Variants in CNTN5 observed in about 807,000 individuals in gnomAD.
CNTN5 encodes the protein contactin 5.
Under a neutral mutation model 129.1 loss-of-function variants are expected in CNTN5, and 77 were observed. The ratio of observed to expected loss-of-function variants is 0.60; its 90% CI spans 0.50 to 0.72. The LOEUF (loss-of-function observed/expected upper bound fraction) is 0.72. CNTN5 is among the 30% of genes least tolerant of loss of function. The pLI is 0.00. For missense variants in CNTN5, 1,478 were observed against 1,328.8 expected (o/e 1.11, Z -1.75); for synonymous variants, 509 against 465.6 (o/e 1.09, Z -1.20).
At chr11:99,075,441 A>G (rs1012582543) in intron 1 of CNTN5, among the ~76,000 whole-genome samples, 2 of 152,174 alleles carry the variant, frequency 1.3e-5, no homozygotes, top group Non-Finnish European at 2.9e-5. Flanking sequence ...GTAAAAGTAG[A>G]TTTACATGTG....
At chr11:99,844,655 T>G in intron 4 of CNTN5, 197 bp from the exon 5 acceptor site, 2 of 571,166 alleles carry the variant, frequency 3.5e-6, no homozygotes, top group South Asian at 4.1e-5. Context: ...CATTTTTAGT[T>G]GATTAAAAAT....
rs148827292 is a variant in CNTN5 at position 99,162,353 on chromosome 11, G to A, written c.-210+141083G>A. Among the ~76,000 whole-genome samples the A allele has an allele frequency of 8.0e-4, 121 of 151,640 alleles. No individual in the cohort carries two copies. In the East Asian group the frequency reaches 0.022, roughly 27 times the overall value. On this transcript the variant is annotated intron_variant, in intron 1 of 24. Coordinates refer to ENST00000524871, the MANE Select transcript of CNTN5 (RefSeq NM_014361.4). ...CTTTGTTCTTTCACTGTCTTGCTTC[G>A]CTTTTAGATGAACTCCTGGTGCTTG...
intron 3 of CNTN5, among the ~76,000 whole-genome samples, chr11:99,613,171 T>C (rs576601961): frequency 5.3e-5 from 8 of 152,316 alleles, no homozygotes; most frequent in African/African-American, 1.9e-4. Flanking sequence ...CTGATTCTCA[T>C]CTTGAATTGT....
At chr11:99,292,253 T>TAAA (rs34354242) in intron 1 of CNTN5, among the ~76,000 whole-genome samples, 1 of 147,592 alleles carries the variant, frequency 6.8e-6, no homozygotes. Flanking sequence ...CTTACAAAGT[T>TAAA]AAAAAAAAAA....
chr11:99,998,234 A>G (rs1015651887), intron 8 of CNTN5, among the ~76,000 whole-genome samples: 3 of 152,254 alleles, frequency 2.0e-5, no homozygotes, highest in South Asian at 2.1e-4. Context: ...TGCAGACGAC[A>G]TGATTGCACA....
intron 6 of CNTN5, among the ~76,000 whole-genome samples, chr11:99,908,441 T>C (rs1949568519): frequency 6.6e-6 from 1 of 152,058 alleles, no homozygotes; most frequent in South Asian, 2.1e-4. Context: ...ATTTATCCTT[T>C]CACATTTTTC....
At chr11:99,788,699 C>G (rs547890852) in intron 3 of CNTN5, among the ~76,000 whole-genome samples, 3 of 151,916 alleles carry the variant, frequency 2.0e-5, no homozygotes, top group African/African-American at 7.2e-5. Flanking sequence ...CATATGATAA[C>G]CATCACTAGG....
At chr11:99,653,744 G>T (rs1355170553) in intron 3 of CNTN5, among the ~76,000 whole-genome samples, 2 of 151,994 alleles carry the variant, frequency 1.3e-5, no homozygotes, top group African/African-American at 4.8e-5. Flanking sequence ...TTAATTAAAT[G>T]AGCTCCTAGG....
chr11:99,230,784 A>G (rs1418838797), intron 1 of CNTN5, among the ~76,000 whole-genome samples: 1 of 152,064 alleles, frequency 6.6e-6, no homozygotes, highest in East Asian at 1.9e-4. Context: ...CCCAGCATGC[A>G]TTAGCCATTA....
rs555420937 is a variant in CNTN5, at chr11:100,060,315, A to G, written c.981-897A>G. On this transcript the variant is annotated intron_variant, in intron 9 of 24. Coordinates refer to ENST00000524871, the MANE Select transcript of CNTN5 (RefSeq NM_014361.4). ...CATCTATACAATGAAATAATTTGCA[A>G]CTATTAAGCAGAATAAGTCAGGCTA... Among the ~76,000 whole-genome samples the G allele has an allele frequency of 4.7e-4, 71 of 152,272 alleles. 1 individual carries two copies. Among genetic ancestry groups the G allele is most frequent in the African/African-American group, 1.7e-3 (70 of 41,574 alleles).
At chr11:99,464,209 C>T (rs187819576) in intron 2 of CNTN5, among the ~76,000 whole-genome samples, 71 of 152,262 alleles carry the variant, frequency 4.7e-4, no homozygotes, top group African/African-American at 1.7e-3. Context: ...TGGGGAGTAT[C>T]TTATGCTGCC....
chr11:99,280,126 T>C (rs1428569307), intron 1 of CNTN5, among the ~76,000 whole-genome samples: 3 of 151,860 alleles, frequency 2.0e-5, no homozygotes, highest in East Asian at 1.9e-4. Flanking sequence ...AATGTATTTA[T>C]ATACCTACTT....
intron 2 of CNTN5, among the ~76,000 whole-genome samples, chr11:99,523,639 TAGAATAGAATAGAAC>T (rs1426413353): frequency 0.012 from 601 of 50,472 alleles, 1 homozygote; most frequent in African/African-American, 0.037. Context: ...TAGAATAGAA[TAGAATAGAATAGAAC>T]AGAACAGATC....
intron 7 of CNTN5, among the ~76,000 whole-genome samples, chr11:99,947,951 A>G (rs1383010768): frequency 6.6e-6 from 1 of 152,212 alleles, no homozygotes; most frequent in Non-Finnish European, 1.5e-5. Context: ...CTAAGTTAAA[A>G]TTTAATTATT....
intron 6 of CNTN5, among the ~76,000 whole-genome samples, chr11:99,888,567 A>G (rs1038984231): frequency 6.6e-6 from 1 of 152,168 alleles, no homozygotes; most frequent in Non-Finnish European, 1.5e-5. Flanking sequence ...GGCATCAAGA[A>G]AGAGAGCTGA....
At chr11:99,725,562 TTCTTC>T (rs1311296215) in intron 3 of CNTN5, among the ~76,000 whole-genome samples, 2 of 152,144 alleles carry the variant, frequency 1.3e-5, no homozygotes, top group Non-Finnish European at 2.9e-5. Context: ...TTGTAACGTT[TTCTTC>T]TCTTAATTCC....
chr11:99,653,818 C>T (rs926315118), intron 3 of CNTN5, among the ~76,000 whole-genome samples: 8 of 151,908 alleles, frequency 5.3e-5, no homozygotes, highest in Non-Finnish European at 1.0e-4. Flanking sequence ...TGAGGATATT[C>T]GCTTCTTCAT....
chr11:99,951,710 G>A (rs1349308273), intron 7 of CNTN5, among the ~76,000 whole-genome samples: 2 of 152,026 alleles, frequency 1.3e-5, no homozygotes, highest in African/African-American at 2.4e-5. Context: ...GTACATTCCA[G>A]ATTGTTAAAA....
intron 2 of CNTN5, among the ~76,000 whole-genome samples, chr11:99,423,556 T>G (rs1942989576): frequency 6.6e-6 from 1 of 152,354 alleles, no homozygotes; most frequent in Admixed American, 6.5e-5. Flanking sequence ...GAGGAAAATC[T>G]ATTTCCTATT....
Sources: gnomAD v4.1 joint callset for allele counts (sites outside exome capture counted in the v4.1 genomes callset) on GRCh38, gnomAD v4.1.1 for gene constraint, MANE v1.5 for transcripts, NCBI Gene and HGNC (gene_info 2026-07-23, HGNC 2026-07-21) for gene names.